Variants in CADPS observed in about 807,000 individuals in gnomAD.
The protein encoded by CADPS is calcium dependent secretion activator.
Under a neutral mutation model 167.3 loss-of-function variants are expected in CADPS, and 57 were observed. That is an observed-to-expected ratio of 0.34 (90% CI 0.28 to 0.42). The LOEUF (loss-of-function observed/expected upper bound fraction) is 0.42, where lower values mean the gene tolerates loss of function less well. Among genes scored for constraint, CADPS ranks in the 20% least tolerant of loss-of-function variants. The pLI is 1.00. For missense variants in CADPS, 1,414 were observed against 1,738.1 expected, an observed-to-expected ratio of 0.81 and a Z score of 3.32; for synonymous variants, 676 against 635.3, an observed-to-expected ratio of 1.06 and a Z score of -0.96.
chr3:62,810,482 A>T (rs750758261), intron 1 of CADPS, among the ~76,000 whole-genome samples: 2 of 152,140 alleles, frequency 1.3e-5, no homozygotes, highest in African/African-American at 4.8e-5. Flanking sequence ...AAATATTAAA[A>T]TCATTGGGGA....
intron 6 of CADPS, among the ~76,000 whole-genome samples, chr3:62,623,574 C>T (rs2063517559): frequency 6.6e-6 from 1 of 152,074 alleles, no homozygotes; most frequent in South Asian, 2.1e-4. Flanking sequence ...AGAATCAAGC[C>T]CTAAATTGAT....
intron 3 of CADPS, among the ~76,000 whole-genome samples, chr3:62,740,732 C>T (rs778001089): frequency 6.6e-6 from 1 of 152,262 alleles, no homozygotes; most frequent in South Asian, 2.1e-4. Flanking sequence ...CCACTAACTA[C>T]CATCACCAAC....
At chr3:62,851,499 G>C (rs2078579241) in intron 1 of CADPS, among the ~76,000 whole-genome samples, 1 of 149,448 alleles carries the variant, frequency 6.7e-6, no homozygotes. Flanking sequence ...GCCTTTGCTT[G>C]TCTGTAAAGT....
chr3:62,852,698 A>G (rs1449574665), intron 1 of CADPS, among the ~76,000 whole-genome samples: 2 of 152,104 alleles, frequency 1.3e-5, no homozygotes, highest in Admixed American at 6.5e-5. Flanking sequence ...GATGATCCAT[A>G]ATTTCCACTT....
chr3:62,605,638 C>A (rs2060594802), intron 6 of CADPS, among the ~76,000 whole-genome samples: 1 of 152,208 alleles, frequency 6.6e-6, no homozygotes. Context: ...GTGCCACTTT[C>A]TACCTGAGTG....
chr3:62,599,845 T>TAC (rs1243524066), intron 6 of CADPS, among the ~76,000 whole-genome samples: 2 of 8,414 alleles, frequency 2.4e-4, no homozygotes, highest in Non-Finnish European at 4.7e-4. Context: ...ATATATTATA[T>TAC]ATATATAATA....
At chr3:62,713,501 G>T (rs1019707910) in intron 3 of CADPS, among the ~76,000 whole-genome samples, 6 of 152,168 alleles carry the variant, frequency 3.9e-5, no homozygotes, top group African/African-American at 1.4e-4. Flanking sequence ...AGAAATCTCT[G>T]CATGATCCAC....
chr3:62,432,410 T>G (rs1428166320), intron 28 of CADPS, among the ~76,000 whole-genome samples: 1 of 152,150 alleles, frequency 6.6e-6, no homozygotes, highest in Non-Finnish European at 1.5e-5. Flanking sequence ...ACCATCACTA[T>G]TTTGCCTGTT....
Position 62,399,942 on chromosome 3 carries a change from G to A in CADPS, c.3883-357C>T, listed in dbSNP as rs1244323924. Among the ~76,000 whole-genome samples, 2 of 152,204 alleles carry A rather than the reference G, an allele frequency of 1.3e-5. No homozygotes were observed. Among genetic ancestry groups the A allele is most frequent in the Non-Finnish European group, 2.9e-5 (2 of 68,036 alleles). On this transcript the variant is annotated intron_variant, in intron 29 of 29. Coordinates refer to ENST00000383710, the MANE Select transcript of CADPS (RefSeq NM_003716.4). This position sits in a 1 kb window ranked among gnomAD's most constrained non-coding sequence, Gnocchi z 5.6. ...GTGTAATGTAATATGATAGACACAG[G>A]AAGGGGCTATAATATATAAATAATG...
intron 28 of CADPS, among the ~76,000 whole-genome samples, chr3:62,431,933 C>A (rs886688543): frequency 1.3e-5 from 2 of 151,396 alleles, no homozygotes; most frequent in African/African-American, 2.4e-5. Flanking sequence ...GTGCTGGGAA[C>A]ACAACATTTT....
intron 1 of CADPS, among the ~76,000 whole-genome samples, chr3:62,802,360 C>T (rs13067730): frequency 0.45 from 67,700 of 151,956 alleles, 17,366 homozygotes; most frequent in East Asian, 0.83. Flanking sequence ...ACTCTTTGCC[C>T]GGAATGTTTT....
chr3:62,668,894 C>T (rs774619630), intron 3 of CADPS, among the ~76,000 whole-genome samples: 2 of 152,158 alleles, frequency 1.3e-5, no homozygotes, highest in African/African-American at 2.4e-5. Flanking sequence ...TACCCACAGT[C>T]GCACAACGAT....
At chr3:62,467,423 C>G (rs899459284) in intron 24 of CADPS, 105 of 512,260 alleles carry the variant, frequency 2.0e-4, no homozygotes, top group Middle Eastern at 5.1e-4. Flanking sequence ...ATTCAAAAGT[C>G]TATGTAAACA....
chr3:62,656,915 G>T (rs1003088119), intron 4 of CADPS, among the ~76,000 whole-genome samples: 12 of 152,028 alleles, frequency 7.9e-5, no homozygotes, highest in African/African-American at 2.7e-4. Context: ...ATATTTTTCC[G>T]TGAGCTCAGA....
chr3:62,537,284 G>T (rs1480786544), intron 11 of CADPS, among the ~76,000 whole-genome samples: 1 of 152,180 alleles, frequency 6.6e-6, no homozygotes, highest in Non-Finnish European at 1.5e-5. Context: ...GCTATGATCT[G>T]CCATTTATTG....
At chr3:62,565,865 C>T (rs1277247073) in intron 9 of CADPS, among the ~76,000 whole-genome samples, 1 of 152,162 alleles carries the variant, frequency 6.6e-6, no homozygotes, top group East Asian at 1.9e-4. Flanking sequence ...TAGGAAATCT[C>T]AGTCAGGGAG....
At chr3:62,733,920 C>T (rs1377694550) in intron 3 of CADPS, among the ~76,000 whole-genome samples, 11 of 152,136 alleles carry the variant, frequency 7.2e-5, no homozygotes, top group East Asian at 1.9e-4. Context: ...TTAACTCCCA[C>T]GTAAAAGTGA....
chr3:62,473,399 G>T (rs1487597596), intron 24 of CADPS, among the ~76,000 whole-genome samples: 1 of 152,196 alleles, frequency 6.6e-6, no homozygotes. Context: ...ATGTAAGGCT[G>T]GTATCGAAAG....
chr3:62,536,674 T>A, intron 11 of CADPS, 93 bp from the exon 12 acceptor site: 2 of 1,285,702 alleles, frequency 1.6e-6, no homozygotes, highest in Non-Finnish European at 1.1e-6. Flanking sequence ...CACTAGACAT[T>A]ATGAACGTTA....
Sources: gnomAD v4.1 joint callset for allele counts (sites outside exome capture counted in the v4.1 genomes callset) on GRCh38, gnomAD v4.1.1 for gene constraint, Gnocchi (gnomAD v3.1) non-coding constraint, MANE v1.5 for transcripts, NCBI Gene and HGNC (gene_info 2026-07-23, HGNC 2026-07-21) for gene names.